The following PREP variants were observed in gnomAD, a reference collection of about 807,000 sequenced individuals.
PREP encodes the protein dJ355L5.1 (prolyl endopeptidase).
Under a neutral mutation model 87.6 loss-of-function variants are expected in PREP, and 29 were observed. The observed-to-expected ratio is 0.33, with a 90% confidence interval of 0.25 to 0.45. The LOEUF is 0.45. Ranked by LOEUF, PREP falls within the 20% of genes least tolerant of loss-of-function variation. PREP has a pLI of 1.00. For missense variants in PREP, 695 were observed against 886.5 expected, an observed-to-expected ratio of 0.78 and a Z score of 2.74; for synonymous variants, 337 against 328.6, an observed-to-expected ratio of 1.03 and a Z score of -0.28.
At chr6:105,331,304 T>C (rs1277191220) in intron 8 of PREP, among the ~76,000 whole-genome samples, 1 of 152,138 alleles carries the variant, frequency 6.6e-6, no homozygotes, top group Non-Finnish European at 1.5e-5. Context: ...GTTATACAAA[T>C]ATATCACCCC....
In PREP at chr6:105,278,525, G is replaced by T; in HGVS notation, c.1839-87C>A. The stretch of plus-strand genomic sequence containing the variant: ...ACCTAGGTAGTTAATTAGCAGTGAG[G>T]ACTGCAGTTAACTAGTACGTGAGTG... On this transcript the variant is annotated intron_variant, in intron 14 of 14. Coordinates refer to ENST00000652536, the MANE Select transcript of PREP (RefSeq NM_002726.5). This position sits in a 1 kb window ranked among gnomAD's most constrained non-coding sequence, Gnocchi z 4.2. 7.4e-7 allele frequency: 1 copy of T among 1,359,336 alleles called. No individual in the cohort carries two copies. Among genetic ancestry groups the T allele is most frequent in the African/African-American group, 1.4e-5 (1 of 69,830 alleles). 84.2% of individuals were successfully genotyped at this position (1,359,336 alleles called of 1,614,324 possible).
At chr6:105,343,447 C>T (rs994113532) in intron 7 of PREP, among the ~76,000 whole-genome samples, 1 of 152,106 alleles carries the variant, frequency 6.6e-6, no homozygotes, top group African/African-American at 2.4e-5. Context: ...TAGGCAATAC[C>T]ATTCAGGACA....
At chr6:105,376,555 A>G (rs1772692329) in intron 3 of PREP, among the ~76,000 whole-genome samples, 1 of 152,244 alleles carries the variant, frequency 6.6e-6, no homozygotes, top group Admixed American at 6.5e-5. Flanking sequence ...CAAATAAAGC[A>G]GTAACTTTTT....
chr6:105,326,587 T>C (rs1392296173), intron 9 of PREP, among the ~76,000 whole-genome samples: 1 of 152,214 alleles, frequency 6.6e-6, no homozygotes, highest in Non-Finnish European at 1.5e-5. Context: ...ACCTCTGCTC[T>C]TTACTGTAGT....
intron 5 of PREP, among the ~76,000 whole-genome samples, chr6:105,369,703 C>A (rs1412702801): frequency 6.6e-6 from 1 of 152,146 alleles, no homozygotes; most frequent in Non-Finnish European, 1.5e-5. Context: ...TGAATCCAGA[C>A]AAGATCTTAC....
chr6:105,390,596 C>A (rs910437103), intron 2 of PREP, among the ~76,000 whole-genome samples: 8 of 152,172 alleles, frequency 5.3e-5, no homozygotes, highest in African/African-American at 1.9e-4. Flanking sequence ...GTAAATTTTT[C>A]TTTTGTGTAT....
chr6:105,371,220 AT>A (rs1297009048), intron 5 of PREP, among the ~76,000 whole-genome samples: 2 of 152,164 alleles, frequency 1.3e-5, no homozygotes, highest in Non-Finnish European at 2.9e-5. Flanking sequence ...AAAGTTAAGT[AT>A]CGGCCAGGCG....
chr6:105,334,815 C>G (rs565311061), intron 7 of PREP, among the ~76,000 whole-genome samples: 1 of 152,170 alleles, frequency 6.6e-6, no homozygotes, highest in African/African-American at 2.4e-5. Flanking sequence ...TCACTGCAAC[C>G]TCCAACTCCT....
At chr6:105,325,083 C>A (rs892975153) in intron 9 of PREP, among the ~76,000 whole-genome samples, 1 of 151,790 alleles carries the variant, frequency 6.6e-6, no homozygotes, top group Non-Finnish European at 1.5e-5. Flanking sequence ...CTGTACTTGC[C>A]TAAATAAATG....
Position 105,274,478 on chromosome 6 carries a change from T to G in PREP, c.*3666A>C, listed in dbSNP as rs1236824259. Among the ~76,000 whole-genome samples, 1 of 152,158 alleles carries G rather than the reference T, an allele frequency of 6.6e-6. No individual in the cohort carries two copies. The highest frequency in any genetic ancestry group is 1.5e-5 in the Non-Finnish European group (1 of 68,020). ...ACTCAGACAACAGCAGTAAGAGAGC[T>G]GTTTCGGCTGGGCATGGTGGCTCAT... On this transcript the variant is annotated 3_prime_UTR_variant, in exon 15 of 15. Coordinates refer to ENST00000652536, the MANE Select transcript of PREP (RefSeq NM_002726.5).
At chr6:105,322,137 G>T in intron 10 of PREP, 4 of 247,714 alleles carry the variant, frequency 1.6e-5, no homozygotes, top group Non-Finnish European at 2.6e-5. Flanking sequence ...TTAGAAAATT[G>T]GTATAGGATG....
At position 105,339,897 on chromosome 6, in the gene PREP, C is replaced by T. The variant is rs183299850; in HGVS notation, c.824-6392G>A. 1.1e-3 allele frequency among the ~76,000 whole-genome samples: 175 copies of T among 152,214 alleles called. 1 individual carries two copies. The highest frequency in any genetic ancestry group is 4.0e-3 in the African/African-American group (166 of 41,532). On this transcript the variant is annotated intron_variant, in intron 7 of 14. Transcript: ENST00000652536. The stretch of plus-strand genomic sequence containing the variant: ...GAAATATGGGACTATGTGAAAAGAT[C>T]AAATGTGGTCTGATTTTTCACGTGT...
intron 7 of PREP, among the ~76,000 whole-genome samples, chr6:105,343,233 T>A (rs1216295545): frequency 2.6e-5 from 4 of 151,300 alleles, no homozygotes; most frequent in African/African-American, 7.3e-5. Flanking sequence ...CACATCTACA[T>A]CCATCTGATC....
intron 7 of PREP, among the ~76,000 whole-genome samples, chr6:105,348,998 T>C (rs4276530): frequency 0.063 from 9,649 of 152,170 alleles, 362 homozygotes; most frequent in Middle Eastern, 0.11. Flanking sequence ...GAATAGGACA[T>C]GACTCTTTGG....
At position 105,345,462 on chromosome 6, in the gene PREP, G is replaced by A. The variant is rs142915169; in HGVS notation, c.823+7510C>T. On this transcript the variant is annotated intron_variant, in intron 7 of 14. Coordinates refer to ENST00000652536, the MANE Select transcript of PREP (RefSeq NM_002726.5). Reference sequence around the variant, plus strand: ...AATAAATTGTCTTATGCTTTTCCTAGAGCAAAGTCATACTTTTATTACTTT... The same window carrying A: ...AATAAATTGTCTTATGCTTTTCCTAAAGCAAAGTCATACTTTTATTACTTT... Among the ~76,000 whole-genome samples the A allele has an allele frequency of 2.0e-5, 3 of 152,040 alleles. No homozygotes were observed. The East Asian group carries it at 5.8e-4, about 29-fold the overall frequency.
Position 105,275,456 on chromosome 6 carries a change from C to T in PREP, c.*2688G>A, listed in dbSNP as rs539266424. On this transcript the variant is annotated 3_prime_UTR_variant, in exon 15 of 15. Transcript: ENST00000652536. ...CTAAGGTAACAAATGCTCTGGTGTG[C>T]TTAGCAGGGCCTTGTGACAAAGCAG... Among the ~76,000 whole-genome samples the T allele has an allele frequency of 9.9e-5, 15 of 152,280 alleles. No homozygotes were observed. Among genetic ancestry groups the T allele is most frequent in the African/African-American group, 3.6e-4 (15 of 41,552 alleles).
chr6:105,364,345 A>T (rs1284502041), intron 6 of PREP, among the ~76,000 whole-genome samples: 1 of 152,144 alleles, frequency 6.6e-6, no homozygotes, highest in Non-Finnish European at 1.5e-5. Flanking sequence ...CCTGATTGGA[A>T]CTTCCTGAGA....
intron 7 of PREP, among the ~76,000 whole-genome samples, chr6:105,352,726 G>A (rs930979680): frequency 1.3e-5 from 2 of 152,100 alleles, no homozygotes; most frequent in Non-Finnish European, 2.9e-5. Context: ...CAATACTCAC[G>A]GGATATTTTC....
chr6:105,318,648 C>T (rs1367973168), intron 10 of PREP, among the ~76,000 whole-genome samples: 2 of 152,172 alleles, frequency 1.3e-5, no homozygotes, highest in Non-Finnish European at 2.9e-5. Flanking sequence ...TCAGAAATAA[C>T]ACAAATGCTC....
Sources: allele counts gnomAD v4.1 joint callset (sites outside exome capture counted in the v4.1 genomes callset), GRCh38; gene constraint gnomAD v4.1.1; non-coding constraint Gnocchi (gnomAD v3.1); transcripts MANE v1.5; gene names NCBI Gene and HGNC (gene_info 2026-07-23, HGNC 2026-07-21).